The following DDX46 variants were observed in gnomAD, a reference collection of about 807,000 sequenced individuals.
The protein encoded by DDX46 is DEAD-box helicase 46.
A neutral mutation model predicts 134.9 loss-of-function variants in DDX46; 30 were observed. The observed-to-expected ratio is 0.22, with a 90% CI of 0.17 to 0.30. DDX46 has a LOEUF of 0.30. Ranked by LOEUF, DDX46 falls within the 10% of genes least tolerant of loss-of-function variation. DDX46 has a pLI of 1.00. For missense variants in DDX46, 622 were observed against 1,248.7 expected, an observed-to-expected ratio of 0.50 and a Z score of 7.56; for synonymous variants, 415 against 404.1, an observed-to-expected ratio of 1.03 and a Z score of -0.32.
intron 13 of DDX46, 93 bp downstream of exon 13, chr5:134,790,645 A>G: frequency 9.2e-7 from 1 of 1,086,162 alleles, no homozygotes; most frequent in South Asian, 1.4e-5. Context: ...TGAAATTCAC[A>G]CACACACTTT....
intron 15 of DDX46, 38 bp from the exon 16 acceptor site, chr5:134,807,710 A>G (rs532031008): frequency 7.7e-6 from 12 of 1,552,654 alleles, no homozygotes; most frequent in Non-Finnish European, 1.0e-5. Flanking sequence ...GGAAAATTTA[A>G]TTTGAACATG....
At chr5:134,801,992 C>T (rs1252695186) in intron 15 of DDX46, among the ~76,000 whole-genome samples, 1 of 151,870 alleles carries the variant, frequency 6.6e-6, no homozygotes, top group African/African-American at 2.4e-5. Flanking sequence ...AATTTATGTC[C>T]TGTTCTGAAT....
At chr5:134,790,219 G>A (rs1561862816) in intron 12 of DDX46, 1 of 592,828 alleles carries the variant, frequency 1.7e-6, no homozygotes, top group Non-Finnish European at 3.2e-6. Flanking sequence ...CAGGCCCTAT[G>A]ATGGTATGCA....
In DDX46 at chr5:134,781,335, G is replaced by A. The variant is rs182305977; in HGVS notation, c.879+89G>A. ...TCATGGAGATGTGCGTTTCATTTGT[G>A]TGAGCTAGGAGAAATTCCCAGAATT... On this transcript the variant is annotated intron_variant, in intron 7 of 22. Transcript: ENST00000452510. 9.4e-5 allele frequency: 95 copies of A among 1,007,200 alleles called. No individual in the cohort carries two copies. In the African/African-American group the frequency reaches 1.3e-3, roughly 14 times the overall value. The allele number at this position is 1,007,200 out of a possible 1,614,324, so 62.4% of individuals were successfully genotyped here. A position where few individuals can be genotyped will look rare whatever the true frequency, so the allele number is the denominator to read the frequency against.
At chr5:134,761,963 T>C (rs1236035194) in intron 1 of DDX46, among the ~76,000 whole-genome samples, 5 of 152,000 alleles carry the variant, frequency 3.3e-5, no homozygotes, top group African/African-American at 9.7e-5. Flanking sequence ...AATAATACTT[T>C]AAAAACATTA....
intron 9 of DDX46, among the ~76,000 whole-genome samples, chr5:134,783,848 CTT>C (rs60870042): frequency 3.5e-4 from 46 of 131,204 alleles, no homozygotes; most frequent in Non-Finnish European, 3.5e-4. Flanking sequence ...CAAGGCCGGC[CTT>C]TTTTTTTTTT....
intron 14 of DDX46, 33 bp downstream of exon 14, chr5:134,795,047 C>T: frequency 6.2e-7 from 1 of 1,610,482 alleles, no homozygotes; most frequent in Non-Finnish European, 8.5e-7. Context: ...TCCCAGTTTC[C>T]TTGATACTTA....
chr5:134,798,951 C>T (rs1404752222), intron 15 of DDX46, among the ~76,000 whole-genome samples: 3 of 152,174 alleles, frequency 2.0e-5, no homozygotes, highest in African/African-American at 4.8e-5. Flanking sequence ...TCATTATTCC[C>T]TAAACAATAC....
At chr5:134,815,706 C>CAAAAAAAAAA (rs374562980) in intron 18 of DDX46, among the ~76,000 whole-genome samples, 3 of 28,698 alleles carry the variant, frequency 1.0e-4, no homozygotes, top group African/African-American at 2.1e-4. Flanking sequence ...GACTCTGTCT[C>CAAAAAAAAAA]AAAAAAAAAA....
At chr5:134,819,933 T>C (rs1278831765) in intron 21 of DDX46, among the ~76,000 whole-genome samples, 1 of 152,188 alleles carries the variant, frequency 6.6e-6, no homozygotes, top group African/African-American at 2.4e-5. Flanking sequence ...TTTTGCTTTT[T>C]TCCCCGAGAT....
chr5:134,758,814 G>A lies in DDX46; in HGVS notation c.-125G>A. 6.8e-7 allele frequency: 1 copy of A among 1,468,326 alleles called. No individual in the cohort carries two copies. The highest frequency in any genetic ancestry group is 9.5e-7 in the Non-Finnish European group (1 of 1,056,812). The allele number at this position is 1,468,326 out of a possible 1,614,324, so 91.0% of individuals were successfully genotyped here. ...TGGCCGCGCTGGGATGGCCGCCACA[G>A]CTGTAGGTGCTGCTAGTGTTTAGCG... On this transcript the variant is annotated 5_prime_UTR_variant, in exon 1 of 23. Coordinates refer to ENST00000452510, the MANE Select transcript of DDX46 (RefSeq NM_001300860.2).
chr5:134,787,664 T>G (rs1754378687), intron 11 of DDX46, among the ~76,000 whole-genome samples: 1 of 152,182 alleles, frequency 6.6e-6, no homozygotes, highest in Non-Finnish European at 1.5e-5. Context: ...AACAAAAGTT[T>G]TATGATGTTA....
At chr5:134,782,186 T>A (rs1188886438) in intron 8 of DDX46, 100 bp downstream of exon 8, 1 of 1,226,844 alleles carries the variant, frequency 8.2e-7, no homozygotes, top group Non-Finnish European at 1.1e-6. Context: ...TGAAGGAGGG[T>A]GTTTTGGAAA....
At position 134,773,800 on chromosome 5, in the gene DDX46, A is replaced by C; in HGVS notation, c.552A>C (p.Glu184Asp). 1 of 1,612,736 alleles carries C rather than the reference A, an allele frequency of 6.2e-7. No individual in the cohort carries two copies. Among genetic ancestry groups the C allele is most frequent in the Non-Finnish European group, 8.5e-7 (1 of 1,179,596 alleles). The change falls in exon 5 of 23, where the codon GAA becomes GAC. Residue 184 changes from glutamate (E) to aspartate (D), a missense_variant. Physicochemically the swap from Glu to Asp is conservative, Grantham distance 45. Around this residue, in one of 8 missense-constraint regions of DDX46, gnomAD observed 244 missense variants for 349.3 expected, o/e 0.70. Coordinates refer to ENST00000452510, the MANE Select transcript of DDX46 (RefSeq NM_001300860.2). ...AAAAGGCTATGGAAAACATAGGAGA[A>C]CTGAAAAAGGAAATCGAAGAGATGA... ...QRKKAMENIG[E>D]LKKEIEEMKQ...
chr5:134,798,113 G>A (rs1175794635), intron 15 of DDX46, among the ~76,000 whole-genome samples: 2 of 149,276 alleles, frequency 1.3e-5, no homozygotes, highest in Admixed American at 6.7e-5. Flanking sequence ...TGCCCGGCCC[G>A]AAAATGACTT....
Position 134,788,540 on chromosome 5 carries a change from A to G in DDX46, c.1492A>G (p.Ile498Val). The G allele has an allele frequency of 6.2e-7, 1 of 1,614,020 alleles. No individual in the cohort carries two copies. Among genetic ancestry groups the G allele is most frequent in the Non-Finnish European group, 8.5e-7 (1 of 1,179,936 alleles). The change falls in exon 12 of 23, where the codon ATT becomes GTT. Residue 498 changes from isoleucine (I) to valine (V), a missense_variant. This residue lies in a region of DDX46 where 209 missense variants were observed against 508.4 expected (regional missense o/e 0.41). Coordinates refer to ENST00000452510, the MANE Select transcript of DDX46 (RefSeq NM_001300860.2). The part of the protein sequence containing the change: ...QIAELKRGAE[I>V]IVCTPGRMID... ...TGCTGAGCTGAAAAGAGGTGCTGAAATTATTGTTTGCACACCTGGTCGAAT... is the reference window on the plus strand; with the variant it reads ...TGCTGAGCTGAAAAGAGGTGCTGAAGTTATTGTTTGCACACCTGGTCGAAT...
intron 21 of DDX46, 55 bp downstream of exon 21, chr5:134,819,059 T>A: frequency 6.3e-7 from 1 of 1,583,238 alleles, no homozygotes; most frequent in Non-Finnish European, 8.6e-7. Context: ...TTGATGTAGA[T>A]GTAATAAACG....
At chr5:134,770,503 C>G (rs1488145941) in intron 3 of DDX46, among the ~76,000 whole-genome samples, 1 of 152,044 alleles carries the variant, frequency 6.6e-6, no homozygotes, top group Non-Finnish European at 1.5e-5. Flanking sequence ...TGTGAGGCAC[C>G]TTACCCCACC....
chr5:134,808,255 T>G (rs1212989453), intron 16 of DDX46, among the ~76,000 whole-genome samples: 2 of 152,208 alleles, frequency 1.3e-5, no homozygotes, highest in African/African-American at 2.4e-5. Flanking sequence ...AATGTCCCGA[T>G]AAACCCATCG....
Sources: allele counts gnomAD v4.1 joint callset (sites outside exome capture counted in the v4.1 genomes callset), GRCh38; gene constraint gnomAD v4.1.1; regional missense constraint gnomAD v4.1.1; transcripts MANE v1.5; gene names NCBI Gene and HGNC (gene_info 2026-07-23, HGNC 2026-07-21).